The following TWSG1 variants were observed in gnomAD, a reference collection of about 807,000 sequenced individuals.
The protein encoded by TWSG1 is twisted gastrulation BMP signaling modulator 1.
Under a neutral mutation model 23.0 loss-of-function variants are expected in TWSG1, and 15 were observed. The ratio of observed to expected loss-of-function variants is 0.65; its 90% CI spans 0.44 to 1.00. The LOEUF (loss-of-function observed/expected upper bound fraction) is 1.00, where lower values mean the gene tolerates loss of function less well. Ranked by LOEUF, TWSG1 falls within the 50% of genes least tolerant of loss-of-function variation. TWSG1 has a pLI of 0.00. For missense variants in TWSG1, 242 were observed against 278.7 expected (o/e 0.87, Z 0.94); for synonymous variants, 86 against 92.8 (o/e 0.93, Z 0.42).
At chr18:9,382,377 G>C (rs889735284) in intron 3 of TWSG1, among the ~76,000 whole-genome samples, 1 of 152,060 alleles carries the variant, frequency 6.6e-6, no homozygotes, top group Admixed American at 6.6e-5. Flanking sequence ...ACAAAAATTA[G>C]CTAGGTGTGG....
intron 3 of TWSG1, among the ~76,000 whole-genome samples, chr18:9,361,419 T>C (rs1486886975): frequency 2.0e-5 from 3 of 152,228 alleles, no homozygotes; most frequent in Non-Finnish European, 2.9e-5. Context: ...TATTCCTTTG[T>C]AGAATTTAGG....
chr18:9,350,633 A>G (rs2040498226), intron 2 of TWSG1, among the ~76,000 whole-genome samples: 1 of 152,200 alleles, frequency 6.6e-6, no homozygotes, highest in Non-Finnish European at 1.5e-5. Context: ...TGTTTGATAT[A>G]TTTTGGTAAT....
intron 2 of TWSG1, among the ~76,000 whole-genome samples, chr18:9,348,688 A>G (rs187291819): frequency 6.6e-6 from 1 of 152,370 alleles, no homozygotes; most frequent in East Asian, 1.9e-4. Context: ...GAAGATGTAC[A>G]GAAATGAATA....
Position 9,396,358 on chromosome 18 carries a change from C to T in TWSG1, c.302C>T (p.Pro101Leu), listed in dbSNP as rs770548790. 1 of 1,614,174 alleles carries T rather than the reference C, an allele frequency of 6.2e-7. No homozygotes were observed. Among genetic ancestry groups the T allele is most frequent in the Non-Finnish European group, 8.5e-7 (1 of 1,180,040 alleles). The change falls in exon 4 of 5, where the codon CCT becomes CTT. Residue 101 changes from proline to leucine, a missense_variant. Physicochemically the swap from Pro to Leu is moderately conservative, Grantham distance 98. Transcript: ENST00000262120. ...GTGGAGGAGCTGCATGAACCGATCCCTTCTCTCTTCCGGGCACTCACAGAA... is the reference window on the plus strand; with the variant it reads ...GTGGAGGAGCTGCATGAACCGATCCTTTCTCTCTTCCGGGCACTCACAGAA... The part of the protein sequence containing the change: ...STVEELHEPI[P>L]SLFRALTEGD...
chr18:9,335,160 C>G (rs895097116), intron 1 of TWSG1, among the ~76,000 whole-genome samples: 1 of 152,138 alleles, frequency 6.6e-6, no homozygotes. Flanking sequence ...TCTGGGCCGG[C>G]CCGCGTCCTC....
intron 3 of TWSG1, among the ~76,000 whole-genome samples, chr18:9,366,503 C>G (rs12967229): frequency 0.46 from 70,730 of 152,110 alleles, 17,690 homozygotes; most frequent in East Asian, 0.71. Flanking sequence ...AGGCAAATTC[C>G]TTGAACTCTG....
intron 3 of TWSG1, among the ~76,000 whole-genome samples, chr18:9,382,806 C>CAAAAAAAA (rs369549581): frequency 2.5e-5 from 2 of 80,634 alleles, no homozygotes; most frequent in Non-Finnish European, 5.1e-5. Flanking sequence ...GACTCCGTCT[C>CAAAAAAAA]AAAAAAAAAA....
chr18:9,336,316 C>A (rs753354007), intron 1 of TWSG1, among the ~76,000 whole-genome samples: 2 of 151,498 alleles, frequency 1.3e-5, no homozygotes, highest in Non-Finnish European at 2.9e-5. Context: ...CGCATGAACC[C>A]GGGAGGCGGA....
intron 3 of TWSG1, among the ~76,000 whole-genome samples, chr18:9,362,897 TTTAAG>T (rs756318125): frequency 3.3e-5 from 5 of 152,208 alleles, no homozygotes; most frequent in African/African-American, 4.8e-5. Context: ...CATCTTTCAT[TTTAAG>T]TTAAGTTAAT....
chr18:9,340,634 A>G (rs1568030292), intron 2 of TWSG1, among the ~76,000 whole-genome samples: 1 of 152,140 alleles, frequency 6.6e-6, no homozygotes, highest in South Asian at 2.1e-4. Flanking sequence ...ACGAATTTGC[A>G]TTCTGAGCAG....
intron 3 of TWSG1, among the ~76,000 whole-genome samples, chr18:9,374,087 C>T (rs2040618108): frequency 6.6e-6 from 1 of 151,592 alleles, no homozygotes; most frequent in African/African-American, 2.4e-5. Flanking sequence ...TATATATATT[C>T]AAAAAGACAA....
chr18:9,368,435 T>A (rs1303795097), intron 3 of TWSG1, among the ~76,000 whole-genome samples: 1 of 152,178 alleles, frequency 6.6e-6, no homozygotes, highest in Non-Finnish European at 1.5e-5. Context: ...ACTCTTGACC[T>A]CAGGATCCAC....
At chr18:9,358,723 G>A (rs1056198080) in intron 2 of TWSG1, among the ~76,000 whole-genome samples, 1 of 152,158 alleles carries the variant, frequency 6.6e-6, no homozygotes, top group Non-Finnish European at 1.5e-5. Context: ...GGCTGCAATG[G>A]CCATATGTTG....
intron 3 of TWSG1, among the ~76,000 whole-genome samples, chr18:9,371,596 A>G (rs2040605628): frequency 6.6e-6 from 1 of 151,792 alleles, no homozygotes; most frequent in African/African-American, 2.4e-5. Flanking sequence ...TGCCCAGCCT[A>G]TAAATCACTT....
intron 3 of TWSG1, among the ~76,000 whole-genome samples, chr18:9,368,832 C>A (rs145567471): frequency 0.02 from 3,082 of 152,164 alleles, 39 homozygotes; most frequent in Middle Eastern, 0.051. Flanking sequence ...CCTGTAATCC[C>A]AGCTATTCGG....
chr18:9,365,323 A>C (rs2040572866), intron 3 of TWSG1, among the ~76,000 whole-genome samples: 1 of 152,092 alleles, frequency 6.6e-6, no homozygotes, highest in Non-Finnish European at 1.5e-5. Context: ...CCCTGTCTCT[A>C]AAAAAATTTT....
chr18:9,342,727 C>T (rs1169877266), intron 2 of TWSG1, among the ~76,000 whole-genome samples: 1 of 152,190 alleles, frequency 6.6e-6, no homozygotes, highest in African/African-American at 2.4e-5. Context: ...TCATTACTTT[C>T]CCAAGTTGGT....
intron 2 of TWSG1, among the ~76,000 whole-genome samples, chr18:9,343,209 GTT>G (rs2040454215): frequency 3.1e-5 from 1 of 32,758 alleles, no homozygotes; most frequent in Non-Finnish European, 6.5e-5. Context: ...TTTGTTTTTT[GTT>G]ATATATATAT....
intron 3 of TWSG1, among the ~76,000 whole-genome samples, chr18:9,364,550 T>C (rs552984607): frequency 1.3e-5 from 2 of 152,156 alleles, no homozygotes; most frequent in East Asian, 1.9e-4. Flanking sequence ...CCCAGCACTT[T>C]GGGAGGCCAA....
Sources: allele counts gnomAD v4.1 joint callset (sites outside exome capture counted in the v4.1 genomes callset), GRCh38; gene constraint gnomAD v4.1.1; transcripts MANE v1.5; gene names NCBI Gene and HGNC (gene_info 2026-07-23, HGNC 2026-07-21).